The following COL11A1 variants were observed in gnomAD, a reference collection of about 807,000 sequenced individuals.
COL11A1 encodes collagen type XI alpha 1 chain.
Under a neutral mutation model 265.2 loss-of-function variants are expected in COL11A1, and 74 were observed. The ratio of observed to expected loss-of-function variants is 0.28; its 90% CI spans 0.23 to 0.34. COL11A1 has a LOEUF of 0.34. Ranked by LOEUF, COL11A1 falls within the 10% of genes least tolerant of loss-of-function variation. The probability of loss-of-function intolerance (pLI) is 1.00; values close to 1 mark genes in which losing one functional copy is unlikely to be tolerated. For missense variants in COL11A1, 2,165 were observed against 2,263.6 expected (o/e 0.96, Z 0.88); for synonymous variants, 816 against 727.6 (o/e 1.12, Z -1.96).
In COL11A1 at chr1:102,877,834, A is replaced by G; in HGVS notation, c.*185T>C. 7 of 580,510 alleles carry G rather than the reference A, an allele frequency of 1.2e-5. No individual in the cohort carries two copies. In the South Asian group the frequency reaches 1.5e-4, roughly 12 times the overall value. The allele number at this position is 580,510 out of a possible 1,614,324, so 36.0% of individuals were successfully genotyped here. Reference sequence around the variant, plus strand: ...CTTAGCCACACCAACTTATATCTTTATGATTTTCAAAGCTTTTGCCATGTG... The same window carrying G: ...CTTAGCCACACCAACTTATATCTTTGTGATTTTCAAAGCTTTTGCCATGTG... On this transcript the variant is annotated 3_prime_UTR_variant, in exon 67 of 67. Coordinates refer to ENST00000370096, the MANE Select transcript of COL11A1 (RefSeq NM_001854.4).
intron 30 of COL11A1, 122 bp from the exon 31 acceptor site, chr1:102,984,313 A>C: frequency 1.6e-6 from 1 of 631,412 alleles, no homozygotes; most frequent in Non-Finnish European, 2.7e-6. Context: ...AGATTTGCAG[A>C]TTTTTGTCAT....
chr1:102,923,202 A>G lies in COL11A1; in HGVS notation c.3654+134T>C, dbSNP rs148938359. The G allele has an allele frequency of 7.0e-4, 503 of 721,924 alleles. 1 individual carries two copies. Among genetic ancestry groups the G allele is most frequent in the African/African-American group, 5.9e-3 (336 of 56,744 alleles). 44.7% of individuals were successfully genotyped at this position (721,924 alleles called of 1,614,324 possible). ...ATCCAGAGCTAAAGACTAATATATA[A>G]CTAAATCATGTCAGTTGCTTATATA... On this transcript the variant is annotated intron_variant, in intron 47 of 66. Coordinates refer to ENST00000370096, the MANE Select transcript of COL11A1 (RefSeq NM_001854.4).
At chr1:103,094,541 C>G (rs1673585888) in intron 1 of COL11A1, among the ~76,000 whole-genome samples, 1 of 151,988 alleles carries the variant, frequency 6.6e-6, no homozygotes, top group Admixed American at 6.6e-5. Flanking sequence ...TCCTGCCTCC[C>G]CTTCCACTTC....
At chr1:103,049,706 A>T (rs994277560) in intron 4 of COL11A1, among the ~76,000 whole-genome samples, 10 of 152,084 alleles carry the variant, frequency 6.6e-5, no homozygotes, top group Non-Finnish European at 1.3e-4. Flanking sequence ...GATGGTCTTT[A>T]CAATTTGGCA....
At chr1:103,018,883 TC>T (rs778197809) in intron 9 of COL11A1, 24 bp from the exon 10 acceptor site, 33 of 1,605,702 alleles carry the variant, frequency 2.1e-5, no homozygotes, top group Middle Eastern at 3.3e-4. Flanking sequence ...AGAGAACATC[TC>T]TACCAGGGAA....
chr1:102,984,046 A>T lies in COL11A1; in HGVS notation c.2556+92T>A, dbSNP rs550991929. 2,264 of 926,678 alleles carry T rather than the reference A, an allele frequency of 2.4e-3. 5 individuals are homozygous for T. The highest frequency in any genetic ancestry group is 3.0e-3 in the Non-Finnish European group (1,760 of 580,004). 57.4% of individuals were successfully genotyped at this position (926,678 alleles called of 1,614,324 possible). On this transcript the variant is annotated intron_variant, in intron 31 of 66. Coordinates refer to ENST00000370096, the MANE Select transcript of COL11A1 (RefSeq NM_001854.4). ...AAATTATTTTTAAGTACTCATGATA[A>T]TATAGAGATGTTACAAATTGTAAGG...
intron 5 of COL11A1, among the ~76,000 whole-genome samples, chr1:103,027,306 A>G (rs573308545): frequency 2.0e-4 from 30 of 148,958 alleles, no homozygotes; most frequent in Non-Finnish European, 3.6e-4. Context: ...ATTATTAAAC[A>G]TAAGTTAAAT....
At chr1:102,940,112 A>G (rs1658568656) in intron 43 of COL11A1, among the ~76,000 whole-genome samples, 1 of 152,110 alleles carries the variant, frequency 6.6e-6, no homozygotes, top group African/African-American at 2.4e-5. Flanking sequence ...CTTTTAATTG[A>G]GTTTTCTGTT....
intron 44 of COL11A1, among the ~76,000 whole-genome samples, chr1:102,937,112 T>A (rs1197379520): frequency 6.6e-6 from 1 of 152,156 alleles, no homozygotes; most frequent in Non-Finnish European, 1.5e-5. Flanking sequence ...TTGGGCTTAT[T>A]ATTCTTAATT....
intron 30 of COL11A1, among the ~76,000 whole-genome samples, chr1:102,985,671 A>G (rs927439822): frequency 3.3e-5 from 5 of 152,164 alleles, no homozygotes; most frequent in African/African-American, 9.6e-5. Flanking sequence ...ATAAACTAAC[A>G]TATACTAATG....
chr1:102,925,250 G>T (rs2101100586), intron 46 of COL11A1, among the ~76,000 whole-genome samples: 1 of 152,066 alleles, frequency 6.6e-6, no homozygotes, highest in Non-Finnish European at 1.5e-5. Flanking sequence ...TTTCAAAAAA[G>T]CAGTACTTAG....
At chr1:102,955,788 T>C (rs2622849) in intron 41 of COL11A1, among the ~76,000 whole-genome samples, 143,332 of 152,144 alleles carry the variant, frequency 0.94, 67,664 homozygotes, top group East Asian at 1. Flanking sequence ...AAACATTTAC[T>C]CAGTTTATAT....
chr1:103,070,209 A>AAATAATAATAATAAT (rs140020554), intron 4 of COL11A1, among the ~76,000 whole-genome samples: 22 of 143,396 alleles, frequency 1.5e-4, no homozygotes, highest in South Asian at 6.6e-4. Flanking sequence ...CTACTCAGCA[A>AAATAATAATAATAAT]AATAATAATA....
chr1:102,962,070 A>G, intron 40 of COL11A1, 106 bp downstream of exon 40: 1 of 1,067,680 alleles, frequency 9.4e-7, no homozygotes, highest in Non-Finnish European at 1.4e-6. Flanking sequence ...TCAAATATAT[A>G]TGTTTATATA....
At chr1:102,893,808 T>C (rs1319872867) in intron 57 of COL11A1, among the ~76,000 whole-genome samples, 1 of 152,182 alleles carries the variant, frequency 6.6e-6, no homozygotes, top group East Asian at 1.9e-4. Context: ...GAAAAGCAAA[T>C]GCTTTTTTAT....
intron 41 of COL11A1, among the ~76,000 whole-genome samples, chr1:102,956,087 T>C (rs773894151): frequency 2.4e-4 from 36 of 152,144 alleles, no homozygotes; most frequent in Non-Finnish European, 4.4e-4. Context: ...ATACAATAAC[T>C]CCCAGGACCA....
intron 1 of COL11A1, among the ~76,000 whole-genome samples, chr1:103,098,639 G>T (rs1455796866): frequency 2.0e-5 from 3 of 151,754 alleles, no homozygotes; most frequent in African/African-American, 7.3e-5. Context: ...AGAATGTTTT[G>T]CATCAGTGAA....
intron 36 of COL11A1, 95 bp downstream of exon 36, chr1:102,974,735 A>G: frequency 1.1e-6 from 1 of 895,908 alleles, no homozygotes; most frequent in East Asian, 2.6e-5. Context: ...GATTTTATCA[A>G]TATTATATCT....
At chr1:102,988,967 A>G (rs1187147067) in intron 29 of COL11A1, among the ~76,000 whole-genome samples, 1 of 152,112 alleles carries the variant, frequency 6.6e-6, no homozygotes, top group Non-Finnish European at 1.5e-5. Context: ...GTACTAGTAT[A>G]TTACTTAAAA....
Sources: gnomAD v4.1 joint callset for allele counts (sites outside exome capture counted in the v4.1 genomes callset) on GRCh38, gnomAD v4.1.1 for gene constraint, MANE v1.5 for transcripts, NCBI Gene and HGNC (gene_info 2026-07-23, HGNC 2026-07-21) for gene names.